Variants in SPIDR observed in about 807,000 individuals in gnomAD.
SPIDR encodes scaffold protein involved in DNA repair, also known as DNA repair-scaffolding protein.
A neutral mutation model predicts 104.6 loss-of-function variants in SPIDR; 93 were observed. The ratio of observed to expected loss-of-function variants is 0.89; its 90% CI spans 0.75 to 1.06. The LOEUF is 1.06. SPIDR is among the 50% of genes least tolerant of loss of function. The probability of loss-of-function intolerance (pLI) is 0.00; values close to 1 mark genes in which losing one functional copy is unlikely to be tolerated. For missense variants in SPIDR, 1,154 were observed against 1,111.2 expected (o/e 1.04, Z -0.55); for synonymous variants, 431 against 416.9 (o/e 1.03, Z -0.41).
chr8:47,712,730 G>A lies in SPIDR; in HGVS notation c.2046G>A (p.Thr682=), dbSNP rs1373878769. The A allele has an allele frequency of 3.1e-6, 5 of 1,613,926 alleles. No individual in the cohort carries two copies. Among genetic ancestry groups the A allele is most frequent in the East Asian group, 4.5e-5 (2 of 44,880 alleles). ...TAGTGACCGATGTCACTCTGCAAACGAAGGAGGAGAGAGACCCCAGGCTCC... is the reference window on the plus strand; with the variant it reads ...TAGTGACCGATGTCACTCTGCAAACAAAGGAGGAGAGAGACCCCAGGCTCC... ...WLLVTDVTLQ[T]KEERDPRLPK... Residue 682 remains threonine, a synonymous_variant, in exon 15 of 20, where the codon ACG becomes ACA. Coordinates refer to ENST00000297423, the MANE Select transcript of SPIDR (RefSeq NM_001080394.4).
At chr8:47,348,856 T>C (rs2052778856) in intron 5 of SPIDR, among the ~76,000 whole-genome samples, 1 of 152,202 alleles carries the variant, frequency 6.6e-6, no homozygotes, top group East Asian at 1.9e-4. Flanking sequence ...TGTCTAATCT[T>C]TTTTCAACGT....
intron 16 of SPIDR, 60 bp from the exon 17 acceptor site, chr8:47,727,140 C>A: frequency 6.9e-7 from 1 of 1,459,618 alleles, no homozygotes; most frequent in Non-Finnish European, 9.6e-7. Flanking sequence ...CGTGGAGGAG[C>A]AGAGGAGTCA....
rs568817767 is a variant in SPIDR, at chr8:47,431,275, C to T, written c.878-9048C>T. On this transcript the variant is annotated intron_variant, in intron 7 of 19. Transcript: ENST00000297423. ...GGCTACCCTTATGACCTCATTTAAC[C>T]TCAATTACTTCCTTGGAGCCCCCAT... Among the ~76,000 whole-genome samples the T allele has an allele frequency of 2.0e-5, 3 of 152,264 alleles. No homozygotes were observed. In the East Asian group the frequency reaches 5.8e-4, roughly 29 times the overall value.
In SPIDR at chr8:47,685,505, A is replaced by ATTTTTTTTTTTTTTTTTTTT. The variant is rs201735323; in HGVS notation, c.1685+11567_1685+11568insTTTTTTTTTTTTTTTTTTTT. On this transcript the variant is annotated intron_variant, in intron 11 of 19. Transcript: ENST00000297423. The stretch of plus-strand genomic sequence containing the variant: ...TATTTATTTATTTATTTATTTATTT[A>ATTTTTTTTTTTTTTTTTTTT]TTTATTTATTTATTTTTTTGAGACA... Among the ~76,000 whole-genome samples, 5 of 104,366 alleles carry ATTTTTTTTTTTTTTTTTTTT rather than the reference A, an allele frequency of 4.8e-5. 1 individual carries two copies. The highest frequency in any genetic ancestry group is 7.2e-5 in the Non-Finnish European group (3 of 41,660). The allele number at this position is 104,366 out of a possible 152,430, so 68.5% of individuals were successfully genotyped here.
intron 8 of SPIDR, among the ~76,000 whole-genome samples, chr8:47,487,147 T>C (rs2077777125): frequency 6.7e-6 from 1 of 150,142 alleles, no homozygotes; most frequent in Admixed American, 6.7e-5. Flanking sequence ...AACAAAGGGA[T>C]GGAGGAAGAT....
chr8:47,330,955 AT>A, intron 5 of SPIDR: 1 of 336,476 alleles, frequency 3.0e-6, no homozygotes. Flanking sequence ...TGGCTGTAAC[AT>A]TTTGCATTCC....
At chr8:47,559,243 T>G (rs144940016) in intron 8 of SPIDR, among the ~76,000 whole-genome samples, 1 of 152,364 alleles carries the variant, frequency 6.6e-6, no homozygotes, top group East Asian at 1.9e-4. Flanking sequence ...CATTTTAAAG[T>G]AATATACTAA....
intron 5 of SPIDR, among the ~76,000 whole-genome samples, chr8:47,309,827 A>G (rs1343217266): frequency 9.9e-5 from 15 of 152,018 alleles, no homozygotes; most frequent in Admixed American, 9.2e-4. Flanking sequence ...TCACGAGGTC[A>G]GGAGGTCAAG....
chr8:47,270,297 T>C (rs1169462432), intron 1 of SPIDR, among the ~76,000 whole-genome samples: 1 of 152,220 alleles, frequency 6.6e-6, no homozygotes, highest in East Asian at 1.9e-4. Context: ...AAGTTATGAC[T>C]CAATCTCTTT....
intron 8 of SPIDR, among the ~76,000 whole-genome samples, chr8:47,581,666 G>T (rs2059709620): frequency 6.6e-6 from 1 of 151,892 alleles, no homozygotes; most frequent in Non-Finnish European, 1.5e-5. Flanking sequence ...TGCCTTCCAT[G>T]AAAAGAAAAA....
At chr8:47,485,003 G>A (rs1554729903) in intron 8 of SPIDR, among the ~76,000 whole-genome samples, 1 of 152,208 alleles carries the variant, frequency 6.6e-6, no homozygotes, top group Non-Finnish European at 1.5e-5. Context: ...ACTGGGTACA[G>A]GACAGTGGGT....
intron 3 of SPIDR, among the ~76,000 whole-genome samples, chr8:47,288,401 C>T (rs1332864862): frequency 1.3e-5 from 2 of 152,062 alleles, no homozygotes; most frequent in African/African-American, 4.8e-5. Flanking sequence ...TTCTCTGCCT[C>T]AGTCTCCCGA....
At chr8:47,323,116 A>G (rs2047051516) in intron 5 of SPIDR, among the ~76,000 whole-genome samples, 1 of 152,084 alleles carries the variant, frequency 6.6e-6, no homozygotes, top group Admixed American at 6.6e-5. Context: ...AGAAAAAAAA[A>G]AGAAAAGTAA....
chr8:47,358,937 G>T (rs1244468533), intron 5 of SPIDR, among the ~76,000 whole-genome samples: 1 of 151,834 alleles, frequency 6.6e-6, no homozygotes, highest in Non-Finnish European at 1.5e-5. Flanking sequence ...ATAAATTTCT[G>T]GTAGTCTCTA....
In SPIDR at chr8:47,600,833, C is replaced by G. The variant is rs575153850; in HGVS notation, c.1544+1637C>G. ...GGTAGAGCTTCCTCATCTCAGTACA[C>G]AGACCACACACTCCAAGGGGACGAG... On this transcript the variant is annotated intron_variant, in intron 10 of 19. Transcript: ENST00000297423. Among the ~76,000 whole-genome samples, 4 of 152,274 alleles carry G rather than the reference C, an allele frequency of 2.6e-5. No homozygotes were observed. The South Asian group carries it at 8.3e-4, about 32-fold the overall frequency.
At chr8:47,675,732 G>A (rs537276979) in intron 11 of SPIDR, among the ~76,000 whole-genome samples, 1 of 152,316 alleles carries the variant, frequency 6.6e-6, no homozygotes, top group East Asian at 1.9e-4. Flanking sequence ...AGAATTGCTT[G>A]AAACCTCGAG....
intron 19 of SPIDR, among the ~76,000 whole-genome samples, 194 bp from the exon 20 acceptor site, chr8:47,735,108 GTGGGT>G (rs1486709538): frequency 1.6e-5 from 2 of 127,830 alleles, no homozygotes; most frequent in Non-Finnish European, 3.2e-5. Flanking sequence ...GTGTGTGTGT[GTGGGT>G]GTGTGTGTGT....
At chr8:47,334,468 GT>G in intron 5 of SPIDR, among the ~76,000 whole-genome samples, 1 of 152,162 alleles carries the variant, frequency 6.6e-6, no homozygotes, top group Non-Finnish European at 1.5e-5. Context: ...GTAAAGGATT[GT>G]TGTGTCTTCT....
intron 10 of SPIDR, among the ~76,000 whole-genome samples, chr8:47,620,309 C>G (rs2064959710): frequency 7.5e-6 from 1 of 133,070 alleles, no homozygotes; most frequent in Non-Finnish European, 1.5e-5. Flanking sequence ...GAGTCTCACT[C>G]TGTCACCGAG....
Sources: gnomAD v4.1 joint callset for allele counts (sites outside exome capture counted in the v4.1 genomes callset) on GRCh38, gnomAD v4.1.1 for gene constraint, MANE v1.5 for transcripts, NCBI Gene and HGNC (gene_info 2026-07-23, HGNC 2026-07-21) for gene names.